The following PRKG1 variants were observed in gnomAD, a reference collection of about 807,000 sequenced individuals.
PRKG1 encodes the protein cGMP-dependent protein kinase 1.
Under a neutral mutation model 88.1 loss-of-function variants are expected in PRKG1, and 35 were observed. The ratio of observed to expected loss-of-function variants is 0.40; its 90% CI spans 0.30 to 0.53. PRKG1 has a LOEUF of 0.53. Ranked by LOEUF, PRKG1 falls within the 20% of genes least tolerant of loss-of-function variation. The pLI is 0.59. For missense variants in PRKG1, 540 were observed against 839.8 expected, an observed-to-expected ratio of 0.64 and a Z score of 4.41; for synonymous variants, 303 against 292.5, an observed-to-expected ratio of 1.04 and a Z score of -0.37.
chr10:52,008,561 C>T (rs1466328802), intron 5 of PRKG1, among the ~76,000 whole-genome samples: 1 of 151,978 alleles, frequency 6.6e-6, no homozygotes, highest in Non-Finnish European at 1.5e-5. Flanking sequence ...TACAATCTCC[C>T]AAAACTCAAC....
At chr10:51,658,748 G>A (rs1343953832) in intron 3 of PRKG1, among the ~76,000 whole-genome samples, 5 of 151,868 alleles carry the variant, frequency 3.3e-5, no homozygotes, top group East Asian at 3.9e-4. Flanking sequence ...AACTTCTGGC[G>A]GTTTTCACTT....
chr10:51,267,231 A>G (rs1351956364), intron 2 of PRKG1, among the ~76,000 whole-genome samples: 1 of 152,218 alleles, frequency 6.6e-6, no homozygotes, highest in Non-Finnish European at 1.5e-5. Flanking sequence ...ACGTAATTAC[A>G]TAATCTTACC....
At chr10:51,258,232 G>T (rs1839615408) in intron 2 of PRKG1, among the ~76,000 whole-genome samples, 1 of 152,100 alleles carries the variant, frequency 6.6e-6, no homozygotes, top group Non-Finnish European at 1.5e-5. Context: ...TGCAGGGTAG[G>T]TTCTTTTTCA....
intron 9 of PRKG1, among the ~76,000 whole-genome samples, chr10:52,243,442 A>T (rs1318975993): frequency 6.7e-6 from 1 of 150,262 alleles, no homozygotes; most frequent in African/African-American, 2.5e-5. Context: ...TCCTTTATTT[A>T]AAAAAAAGCA....
intron 2 of PRKG1, among the ~76,000 whole-genome samples, chr10:51,341,377 C>G (rs576572212): frequency 2.2e-4 from 33 of 152,278 alleles, no homozygotes; most frequent in African/African-American, 7.5e-4. Flanking sequence ...AAAGGCTGAG[C>G]ATGATAGAGG....
chr10:52,188,184 CTATG>C (rs1282900518), intron 9 of PRKG1, among the ~76,000 whole-genome samples: 1 of 144,524 alleles, frequency 6.9e-6, no homozygotes, highest in Non-Finnish European at 1.5e-5. Flanking sequence ...GGTATGATAT[CTATG>C]TATGTGTGTG....
intron 4 of PRKG1, among the ~76,000 whole-genome samples, chr10:51,893,526 C>A (rs1841771722): frequency 6.6e-6 from 1 of 152,140 alleles, no homozygotes; most frequent in Admixed American, 6.6e-5. Context: ...CTGTGTAATC[C>A]TGTCTAGTGA....
chr10:51,353,689 C>T (rs973051377), intron 2 of PRKG1, among the ~76,000 whole-genome samples: 1 of 152,148 alleles, frequency 6.6e-6, no homozygotes, highest in African/African-American at 2.4e-5. Flanking sequence ...CCCTCATACA[C>T]TGTTGGTGGG....
chr10:52,247,072 G>A (rs1463753358), intron 9 of PRKG1, among the ~76,000 whole-genome samples: 1 of 151,842 alleles, frequency 6.6e-6, no homozygotes, highest in East Asian at 1.9e-4. Flanking sequence ...CTACTTTATG[G>A]CTTTATAAGC....
rs1341404813 is a variant in PRKG1, at chr10:51,200,337, A to G, written c.478+47007A>G. On this transcript the variant is annotated intron_variant, in intron 2 of 17. Coordinates refer to ENST00000373980, the MANE Select transcript of PRKG1 (RefSeq NM_006258.4). The stretch of plus-strand genomic sequence containing the variant: ...CAAGATCTCTGTGCCTAGCACAAAC[A>G]TGATGTTCAATAACAGTTTGCTAAG... 5.3e-5 allele frequency among the ~76,000 whole-genome samples: 8 copies of G among 152,254 alleles called. No homozygotes were observed. The East Asian group carries it at 1.5e-3, about 29-fold the overall frequency.
intron 4 of PRKG1, among the ~76,000 whole-genome samples, chr10:51,852,839 T>C (rs1420438104): frequency 6.6e-6 from 1 of 152,138 alleles, no homozygotes; most frequent in East Asian, 1.9e-4. Flanking sequence ...TCCCTAGATA[T>C]TTTAATTTAA....
intron 10 of PRKG1, among the ~76,000 whole-genome samples, chr10:52,264,972 C>T (rs1841536090): frequency 6.6e-6 from 1 of 152,054 alleles, no homozygotes; most frequent in South Asian, 2.1e-4. Flanking sequence ...AGTATTTCCC[C>T]TTTTCCTTCT....
chr10:51,758,810 T>C (rs1373621046), intron 3 of PRKG1, among the ~76,000 whole-genome samples: 2 of 152,142 alleles, frequency 1.3e-5, no homozygotes, highest in African/African-American at 4.8e-5. Flanking sequence ...AAGCTCCACA[T>C]GCATTAGGTA....
At chr10:52,157,329 A>ATATATATATATG in intron 8 of PRKG1, among the ~76,000 whole-genome samples, 1 of 145,350 alleles carries the variant, frequency 6.9e-6, no homozygotes, top group Non-Finnish European at 1.5e-5. Flanking sequence ...ATATATATAT[A>ATATATATATATG]TATATATATG....
intron 3 of PRKG1, among the ~76,000 whole-genome samples, chr10:51,485,063 GT>G (rs1271285364): frequency 6.6e-6 from 1 of 152,130 alleles, no homozygotes; most frequent in Non-Finnish European, 1.5e-5. Flanking sequence ...AGGGCCAGAA[GT>G]TTTTTTCAAC....
At chr10:51,732,027 C>T (rs1177758460) in intron 3 of PRKG1, among the ~76,000 whole-genome samples, 7 of 118,890 alleles carry the variant, frequency 5.9e-5, no homozygotes, top group Non-Finnish European at 1.1e-4. Flanking sequence ...CCCTCCCTTC[C>T]TTCCTTCTTT....
intron 5 of PRKG1, among the ~76,000 whole-genome samples, chr10:51,995,840 C>T (rs1234976459): frequency 1.3e-5 from 2 of 151,984 alleles, no homozygotes; most frequent in Non-Finnish European, 2.9e-5. Context: ...CATATAGAAA[C>T]ATGACAGAAA....
chr10:51,847,695 A>C (rs1840435441), intron 4 of PRKG1, among the ~76,000 whole-genome samples: 1 of 151,208 alleles, frequency 6.6e-6, no homozygotes, highest in Admixed American at 6.6e-5. Context: ...CTCACCATAC[A>C]CATGGAAACA....
chr10:51,700,624 G>T (rs1281176980), intron 3 of PRKG1, among the ~76,000 whole-genome samples: 2 of 152,132 alleles, frequency 1.3e-5, no homozygotes, highest in African/African-American at 4.8e-5. Context: ...GAGAGGGCTA[G>T]GTAAATTCCC....
Sources: gnomAD v4.1 joint callset for allele counts (sites outside exome capture counted in the v4.1 genomes callset) on GRCh38, gnomAD v4.1.1 for gene constraint, MANE v1.5 for transcripts, NCBI Gene and HGNC (gene_info 2026-07-23, HGNC 2026-07-21) for gene names.